KCNH7: variants seen among roughly 807,000 people sequenced by gnomAD.
The protein encoded by KCNH7 is potassium voltage-gated channel subfamily H member 7, also known as voltage-gated inwardly rectifying potassium channel KCNH7.
In KCNH7, 49 loss-of-function variants were observed where a neutral mutation model predicts 120.8. The ratio of observed to expected loss-of-function variants is 0.41; its 90% CI spans 0.32 to 0.51. KCNH7 has a LOEUF of 0.51. KCNH7 is among the 20% of genes least tolerant of loss of function. The pLI is 0.38. For missense variants in KCNH7, 1,097 were observed against 1,446.6 expected (o/e 0.76, Z 3.92); for synonymous variants, 547 against 516.1 (o/e 1.06, Z -0.81).
At chr2:162,445,751 G>A (rs1257742655) in intron 7 of KCNH7, among the ~76,000 whole-genome samples, 1 of 152,186 alleles carries the variant, frequency 6.6e-6, no homozygotes, top group Non-Finnish European at 1.5e-5. Context: ...TCCTGGGAAT[G>A]TGCTGTGTGC....
Position 162,633,441 on chromosome 2 carries a change from C to T in KCNH7, c.308-96361G>A, listed in dbSNP as rs188380250. 7.0e-4 allele frequency among the ~76,000 whole-genome samples: 107 copies of T among 151,970 alleles called. No homozygotes were observed. The Middle Eastern group carries it at 0.014, about 19-fold the overall frequency. On this transcript the variant is annotated intron_variant, in intron 2 of 15. Transcript: ENST00000332142. ...GGTGTATAATTTAATTTTGTTCATACGTTAATGATGATAAAACACTGAAAG... is the reference window on the plus strand; with the variant it reads ...GGTGTATAATTTAATTTTGTTCATATGTTAATGATGATAAAACACTGAAAG...
intron 6 of KCNH7, among the ~76,000 whole-genome samples, chr2:162,448,505 A>G (rs1416631574): frequency 6.6e-6 from 1 of 152,048 alleles, no homozygotes; most frequent in Non-Finnish European, 1.5e-5. Context: ...ATATCCTTAA[A>G]TCCACAAATC....
At chr2:162,801,265 C>A (rs528006629) in intron 2 of KCNH7, among the ~76,000 whole-genome samples, 327 of 67,614 alleles carry the variant, frequency 4.8e-3, no homozygotes, top group African/African-American at 0.015. Context: ...CAAGCTTTTT[C>A]AAGCATAAAT....
At chr2:162,684,741 C>T (rs1220214035) in intron 2 of KCNH7, among the ~76,000 whole-genome samples, 1 of 152,144 alleles carries the variant, frequency 6.6e-6, no homozygotes, top group Non-Finnish European at 1.5e-5. Flanking sequence ...TGCTTTTACA[C>T]TGTTGGTGGG....
intron 5 of KCNH7, among the ~76,000 whole-genome samples, chr2:162,511,350 A>G (rs1014669612): frequency 3.3e-5 from 5 of 151,696 alleles, no homozygotes; most frequent in African/African-American, 9.7e-5. Flanking sequence ...TAATTGTTAA[A>G]TCCTAAAGCT....
At position 162,473,846 on chromosome 2, in the gene KCNH7, T is replaced by G. The variant is rs193128899; in HGVS notation, c.1129-27403A>C. Among the ~76,000 whole-genome samples, 21 of 152,328 alleles carry G rather than the reference T, an allele frequency of 1.4e-4. 1 individual carries two copies. Among genetic ancestry groups the G allele is most frequent in the South Asian group, 4.1e-4 (2 of 4,824 alleles). ...GTATGCTTAAGTATGTGCATTTGTG[T>G]GTGTATAAAGTCTTTCTGTAGGAAA... On this transcript the variant is annotated intron_variant, in intron 6 of 15. Transcript: ENST00000332142.
intron 3 of KCNH7, among the ~76,000 whole-genome samples, chr2:162,530,555 C>T (rs746852856): frequency 6.6e-6 from 1 of 151,926 alleles, no homozygotes; most frequent in Non-Finnish European, 1.5e-5. Flanking sequence ...GTTTAAAATT[C>T]GCCTTTGTGA....
At chr2:162,487,404 C>T (rs1690135844) in intron 6 of KCNH7, among the ~76,000 whole-genome samples, 1 of 151,904 alleles carries the variant, frequency 6.6e-6, no homozygotes, top group African/African-American at 2.4e-5. Flanking sequence ...GAAGAGGTCA[C>T]AAATGGAATG....
At chr2:162,678,715 G>C (rs1446711713) in intron 2 of KCNH7, among the ~76,000 whole-genome samples, 1 of 151,442 alleles carries the variant, frequency 6.6e-6, no homozygotes, top group East Asian at 1.9e-4. Context: ...ACATATGTTT[G>C]AATCAGGTGA....
intron 6 of KCNH7, among the ~76,000 whole-genome samples, chr2:162,474,061 CTG>C (rs1689653227): frequency 6.6e-6 from 1 of 152,178 alleles, no homozygotes; most frequent in Non-Finnish European, 1.5e-5. Flanking sequence ...GTCCTAGACA[CTG>C]TGCCAAGAGC....
At chr2:162,634,005 T>C (rs545033234) in intron 2 of KCNH7, among the ~76,000 whole-genome samples, 2 of 152,150 alleles carry the variant, frequency 1.3e-5, no homozygotes, top group South Asian at 4.1e-4. Context: ...CCATTTATTG[T>C]TAAACATTTT....
intron 6 of KCNH7, chr2:162,497,005 G>C (rs911519981): frequency 3.3e-5 from 5 of 152,176 alleles, no homozygotes; most frequent in Non-Finnish European, 5.9e-5. Flanking sequence ...AGTTGGTCCT[G>C]GTTAGTACTT....
chr2:162,420,864 C>G (rs1161658868), intron 9 of KCNH7, among the ~76,000 whole-genome samples: 1 of 151,998 alleles, frequency 6.6e-6, no homozygotes, highest in Non-Finnish European at 1.5e-5. Context: ...TGATTTTAAA[C>G]TGCGATTAAA....
At chr2:162,715,978 G>T (rs1053761885) in intron 2 of KCNH7, among the ~76,000 whole-genome samples, 11 of 150,372 alleles carry the variant, frequency 7.3e-5, no homozygotes, top group South Asian at 2.1e-4. Flanking sequence ...GTGTGTGTGT[G>T]CACACCACAC....
intron 2 of KCNH7, among the ~76,000 whole-genome samples, chr2:162,673,112 T>C (rs1685416874): frequency 6.6e-6 from 1 of 152,026 alleles, no homozygotes. Flanking sequence ...TTAAAATAGC[T>C]GATATTTGCA....
intron 6 of KCNH7, among the ~76,000 whole-genome samples, chr2:162,479,664 T>TGTGTGC (rs1304028740): frequency 7.0e-4 from 94 of 135,032 alleles, no homozygotes; most frequent in African/African-American, 2.5e-3. Context: ...AAATTGTGTG[T>TGTGTGC]GTGTGTGCAT....
intron 2 of KCNH7, among the ~76,000 whole-genome samples, chr2:162,560,182 G>C (rs1391463982): frequency 6.6e-6 from 1 of 152,144 alleles, no homozygotes; most frequent in Admixed American, 6.5e-5. Context: ...AAATTGCATT[G>C]CCACAAAATT....
At chr2:162,676,238 C>T (rs867221337) in intron 2 of KCNH7, among the ~76,000 whole-genome samples, 60 of 151,576 alleles carry the variant, frequency 4.0e-4, no homozygotes, top group Middle Eastern at 3.4e-3. Flanking sequence ...CTCTGCTTCA[C>T]TTACAGGAAA....
At chr2:162,779,504 A>C (rs16847304) in intron 2 of KCNH7, among the ~76,000 whole-genome samples, 3,774 of 152,162 alleles carry the variant, frequency 0.025, 240 homozygotes, top group Admixed American at 0.15. Context: ...CAGCCCTTAA[A>C]AATTTATATA....
Sources: allele counts gnomAD v4.1 joint callset (sites outside exome capture counted in the v4.1 genomes callset), GRCh38; gene constraint gnomAD v4.1.1; transcripts MANE v1.5; gene names NCBI Gene and HGNC (gene_info 2026-07-23, HGNC 2026-07-21).